Variants in ATP8B1 observed in about 807,000 individuals in gnomAD.
ATP8B1 encodes ATPase phospholipid transporting 8B1, also known as phospholipid-transporting ATPase IC.
A neutral mutation model predicts 149.9 loss-of-function variants in ATP8B1; 80 were observed. That is an observed-to-expected ratio of 0.53 (90% CI 0.45 to 0.64). The LOEUF (loss-of-function observed/expected upper bound fraction) is 0.64, where lower values mean the gene tolerates loss of function less well. ATP8B1 is among the 30% of genes least tolerant of loss of function. The pLI, the probability that ATP8B1 is intolerant of heterozygous loss-of-function variation, is 0.00. For synonymous variants in ATP8B1, 536 were observed against 562.8 expected, an observed-to-expected ratio of 0.95 and a Z score of 0.67; for missense variants, 1,247 against 1,552.6, an observed-to-expected ratio of 0.80 and a Z score of 3.31.
intron 1 of ATP8B1, chr18:57,737,184 A>T (rs1298471258): frequency 5.3e-5 from 8 of 152,174 alleles, no homozygotes; most frequent in African/African-American, 7.2e-5. Context: ...TCTGGGCTCA[A>T]GTAATCTACC....
chr18:57,790,962 T>A (rs1013080822), intron 1 of ATP8B1, among the ~76,000 whole-genome samples: 3 of 152,168 alleles, frequency 2.0e-5, no homozygotes, highest in Non-Finnish European at 2.9e-5. Context: ...CCTTAGGCAA[T>A]TTGTCCATCT....
intron 1 of ATP8B1, among the ~76,000 whole-genome samples, chr18:57,757,406 T>G (rs1383154872): frequency 6.6e-6 from 1 of 152,192 alleles, no homozygotes; most frequent in African/African-American, 2.4e-5. Context: ...GAAATGATAA[T>G]AGAGACCAAG....
chr18:57,681,993 A>G (rs1388963144), intron 15 of ATP8B1, among the ~76,000 whole-genome samples: 1 of 144,718 alleles, frequency 6.9e-6, no homozygotes, highest in Non-Finnish European at 1.5e-5. Context: ...GTCAGGCTGG[A>G]GGGACTTTGT....
chr18:57,690,473 C>T (rs1300800549), intron 12 of ATP8B1, among the ~76,000 whole-genome samples: 2 of 152,208 alleles, frequency 1.3e-5, no homozygotes, highest in African/African-American at 2.4e-5. Context: ...TCGTATTTGT[C>T]ACATGACATA....
intron 13 of ATP8B1, among the ~76,000 whole-genome samples, chr18:57,687,517 C>G (rs1405481299): frequency 6.6e-6 from 1 of 152,150 alleles, no homozygotes; most frequent in African/African-American, 2.4e-5. Flanking sequence ...TAAACGAGTT[C>G]AGGTTCATCT....
chr18:57,661,479 G>A lies in ATP8B1; in HGVS notation c.2419-17C>T. ...AATTTCATTCTGTGAAATCAGAGAGGGAAAAGGTTACATTCACTTTAGTTT... is the reference window on the plus strand; with the variant it reads ...AATTTCATTCTGTGAAATCAGAGAGAGAAAAGGTTACATTCACTTTAGTTT... On this transcript the variant is annotated splice_polypyrimidine_tract_variant and intron_variant, in intron 21 of 27. Coordinates refer to ENST00000648908, the MANE Select transcript of ATP8B1 (RefSeq NM_001374385.1). 1 of 1,612,200 alleles carries A rather than the reference G, an allele frequency of 6.2e-7. No homozygotes were observed.
chr18:57,800,744 A>G (rs986877555), intron 1 of ATP8B1, among the ~76,000 whole-genome samples: 7 of 152,248 alleles, frequency 4.6e-5, no homozygotes, highest in Admixed American at 2.0e-4. Context: ...AGAGGTTCAG[A>G]AAACAAGAAT....
intron 2 of ATP8B1, among the ~76,000 whole-genome samples, chr18:57,725,270 AT>A (rs1405997474): frequency 4.1e-4 from 62 of 151,894 alleles, no homozygotes; most frequent in Middle Eastern, 3.4e-3. Context: ...AAGAAAAAAA[AT>A]AATCCCATTT....
chr18:57,684,785 A>G (rs763419022), intron 14 of ATP8B1, among the ~76,000 whole-genome samples: 4 of 152,190 alleles, frequency 2.6e-5, no homozygotes, highest in Non-Finnish European at 4.4e-5. Context: ...ATGAGGTCAT[A>G]CTCAATTAGG....
chr18:57,710,757 C>T (rs775633019), intron 2 of ATP8B1, among the ~76,000 whole-genome samples: 1 of 152,186 alleles, frequency 6.6e-6, no homozygotes, highest in Admixed American at 6.5e-5. Flanking sequence ...GCCTCACTCT[C>T]CTGAGTAGCT....
At chr18:57,745,537 G>A (rs1568051393) in intron 1 of ATP8B1, among the ~76,000 whole-genome samples, 1 of 152,092 alleles carries the variant, frequency 6.6e-6, no homozygotes, top group African/African-American at 2.4e-5. Flanking sequence ...CTCCCAAAGT[G>A]CTGGGATTAC....
chr18:57,779,663 G>T (rs575193085), intron 1 of ATP8B1, among the ~76,000 whole-genome samples: 5 of 152,310 alleles, frequency 3.3e-5, no homozygotes, highest in Admixed American at 2.6e-4. Context: ...ACTTTGGGAG[G>T]CCGAGGCGGG....
At chr18:57,697,547 G>T in intron 8 of ATP8B1, 71 bp downstream of exon 8, 1 of 1,517,962 alleles carries the variant, frequency 6.6e-7, no homozygotes, top group Non-Finnish European at 9.1e-7. Context: ...GGTCCACAAT[G>T]CCCCGATTTC....
intron 22 of ATP8B1, among the ~76,000 whole-genome samples, chr18:57,657,913 CT>C (rs1413096313): frequency 5.9e-5 from 9 of 152,154 alleles, no homozygotes; most frequent in Admixed American, 3.9e-4. Flanking sequence ...TAACATTGGT[CT>C]TTTTTGTAAA....
Position 57,662,548 on chromosome 18 carries a change from G to C in ATP8B1, c.2353C>G (p.Pro785Ala). 6.2e-7 allele frequency: 1 copy of C among 1,614,132 alleles called. No individual in the cohort carries two copies. The highest frequency in any genetic ancestry group is 1.1e-5 in the South Asian group (1 of 91,076). The change falls in exon 21 of 28, where the codon CCT becomes GCT. Residue 785 changes from proline (P) to alanine (A), a missense_variant. By Grantham distance (27) the Pro-to-Ala change is conservative (BLOSUM62 -1). Transcript: ENST00000648908. ...RGGVYAKFAPPVQESFFPPGG... is the reference protein window; with the variant it reads ...RGGVYAKFAPAVQESFFPPGG... ...GGTGGAAAAAAAGATTCCTGCACAG[G>C]AGGTGCAAACTTTGCGTAGACGCCA...
intron 1 of ATP8B1, among the ~76,000 whole-genome samples, chr18:57,735,828 TA>T (rs1172106476): frequency 6.6e-6 from 1 of 152,160 alleles, no homozygotes; most frequent in Non-Finnish European, 1.5e-5. Flanking sequence ...CTTTAAGTTC[TA>T]GGATACATGT....
chr18:57,798,957 A>G (rs1231232275), intron 1 of ATP8B1, among the ~76,000 whole-genome samples: 2 of 152,244 alleles, frequency 1.3e-5, no homozygotes, highest in Admixed American at 6.5e-5. Context: ...TGTTTCCTAC[A>G]TAGCCCAGGA....
intron 1 of ATP8B1, among the ~76,000 whole-genome samples, chr18:57,752,513 G>A (rs11665152): frequency 0.21 from 31,780 of 152,066 alleles, 4,321 homozygotes; most frequent in African/African-American, 0.39. Flanking sequence ...AGCATGCACA[G>A]TATGTGGCCC....
At chr18:57,762,785 C>T (rs1281852154) in intron 1 of ATP8B1, among the ~76,000 whole-genome samples, 1 of 152,148 alleles carries the variant, frequency 6.6e-6, no homozygotes, top group African/African-American at 2.4e-5. Flanking sequence ...TTTCCTACAG[C>T]AATACTCTCT....
Sources: gnomAD v4.1 joint callset for allele counts (sites outside exome capture counted in the v4.1 genomes callset) on GRCh38, gnomAD v4.1.1 for gene constraint, MANE v1.5 for transcripts, NCBI Gene and HGNC (gene_info 2026-07-23, HGNC 2026-07-21) for gene names.